Variants in BMERB1 observed in about 807,000 individuals in gnomAD.
BMERB1 encodes the protein bMERB domain-containing protein 1.
In BMERB1, 12 loss-of-function variants were observed where a neutral mutation model predicts 23.6. That is an observed-to-expected ratio of 0.51 (90% confidence interval 0.33 to 0.82). BMERB1 has a LOEUF of 0.82. BMERB1 is among the 40% of genes least tolerant of loss of function. The pLI, the probability that BMERB1 is intolerant of heterozygous loss-of-function variation, is 0.03. For missense variants in BMERB1, 247 were observed against 255.4 expected (o/e 0.97, Z 0.22); for synonymous variants, 122 against 96.6 (o/e 1.26, Z -1.54).
At chr16:15,555,327 G>A (rs2030223202) in intron 2 of BMERB1, among the ~76,000 whole-genome samples, 1 of 152,070 alleles carries the variant, frequency 6.6e-6, no homozygotes, top group Non-Finnish European at 1.5e-5. Flanking sequence ...TCCCATCTCA[G>A]CCTCAAAGTA....
At chr16:15,460,154 G>A (rs914128126) in intron 1 of BMERB1, among the ~76,000 whole-genome samples, 2 of 152,124 alleles carry the variant, frequency 1.3e-5, no homozygotes, top group African/African-American at 4.8e-5. Flanking sequence ...AACTTCTATG[G>A]AAGTTAACTC....
chr16:15,499,089 G>T (rs2051502059), intron 1 of BMERB1, among the ~76,000 whole-genome samples: 1 of 152,148 alleles, frequency 6.6e-6, no homozygotes, highest in Non-Finnish European at 1.5e-5. Flanking sequence ...TCAAGTGTTG[G>T]GTCCTCCCAG....
chr16:15,483,071 T>C (rs576521584), intron 1 of BMERB1, among the ~76,000 whole-genome samples: 4 of 152,348 alleles, frequency 2.6e-5, no homozygotes, highest in South Asian at 4.1e-4. Flanking sequence ...GTAGCTAATA[T>C]CCAACTATTT....
intron 2 of BMERB1, among the ~76,000 whole-genome samples, chr16:15,527,892 C>T (rs140559187): frequency 2.6e-5 from 4 of 152,174 alleles, no homozygotes; most frequent in African/African-American, 7.2e-5. Flanking sequence ...TTGACCCCTC[C>T]CAACCCTCCA....
intron 1 of BMERB1, among the ~76,000 whole-genome samples, chr16:15,439,515 T>C (rs1388733817): frequency 1.3e-5 from 2 of 152,190 alleles, no homozygotes; most frequent in Non-Finnish European, 2.9e-5. Flanking sequence ...ATTGCTTCCA[T>C]TTCTTAGTAA....
chr16:15,526,818 C>T (rs920534579), intron 2 of BMERB1, among the ~76,000 whole-genome samples: 8 of 150,272 alleles, frequency 5.3e-5, no homozygotes, highest in Admixed American at 4.0e-4. Context: ...CACACGGGGC[C>T]GTCTAAAAGT....
At chr16:15,578,601 G>A (rs2382884) in intron 3 of BMERB1, among the ~76,000 whole-genome samples, 5,486 of 152,182 alleles carry the variant, frequency 0.036, 323 homozygotes, top group African/African-American at 0.11. Flanking sequence ...CCGGGGGCTT[G>A]TAAACAACAT....
At chr16:15,464,679 T>C (rs1168888280) in intron 1 of BMERB1, among the ~76,000 whole-genome samples, 1 of 152,180 alleles carries the variant, frequency 6.6e-6, no homozygotes, top group Non-Finnish European at 1.5e-5. Flanking sequence ...GCCATGGCAC[T>C]TGTAAACTGT....
intron 1 of BMERB1, among the ~76,000 whole-genome samples, chr16:15,513,757 C>T (rs1355855221): frequency 2.6e-5 from 4 of 151,858 alleles, no homozygotes; most frequent in East Asian, 1.9e-4. Flanking sequence ...AGCCGGGTGT[C>T]GTGGCATAAA....
intron 2 of BMERB1, among the ~76,000 whole-genome samples, chr16:15,542,290 C>T (rs1270944528): frequency 2.0e-5 from 3 of 148,346 alleles, no homozygotes; most frequent in African/African-American, 7.9e-5. Context: ...GTCTCGAACT[C>T]CTGACCTCGT....
At chr16:15,435,315 A>AC (rs1644434603) in intron 1 of BMERB1, among the ~76,000 whole-genome samples, 1 of 151,950 alleles carries the variant, frequency 6.6e-6, no homozygotes, top group Admixed American at 6.6e-5. Context: ...AAAGGCACAC[A>AC]CCGTTCTCTT....
chr16:15,509,647 C>G (rs1194969493), intron 1 of BMERB1, among the ~76,000 whole-genome samples: 1 of 152,168 alleles, frequency 6.6e-6, no homozygotes, highest in Non-Finnish European at 1.5e-5. Flanking sequence ...CCCCCATGCA[C>G]TTCCCTCACC....
At chr16:15,564,411 G>A (rs764711455) in intron 2 of BMERB1, among the ~76,000 whole-genome samples, 3 of 151,958 alleles carry the variant, frequency 2.0e-5, no homozygotes, top group East Asian at 1.9e-4. Flanking sequence ...CCATTATTCC[G>A]AGCTAAATAA....
chr16:15,582,139 T>TGTAA, intron 4 of BMERB1, among the ~76,000 whole-genome samples: 1 of 152,340 alleles, frequency 6.6e-6, no homozygotes, highest in East Asian at 1.9e-4. Flanking sequence ...GGCTGACGCC[T>TGTAA]GTAATCCCAG....
chr16:15,494,604 G>A (rs1363004067), intron 1 of BMERB1, among the ~76,000 whole-genome samples: 2 of 152,140 alleles, frequency 1.3e-5, no homozygotes, highest in Non-Finnish European at 2.9e-5. Context: ...TATCCTTAAT[G>A]TGATAAAACT....
chr16:15,493,821 G>A lies in BMERB1; in HGVS notation c.107-21484G>A, dbSNP rs115739007. Among the ~76,000 whole-genome samples the A allele has an allele frequency of 8.3e-3, 1,264 of 152,228 alleles. 21 individuals carry two copies. The highest frequency in any genetic ancestry group is 0.029 in the African/African-American group (1,225 of 41,526). ...TCCTGTCAAATTTCCAGCCTGCAGGGAATTAAATGAGGCACATGATTTTCA... is the reference window on the plus strand; with the variant it reads ...TCCTGTCAAATTTCCAGCCTGCAGGAAATTAAATGAGGCACATGATTTTCA... On this transcript the variant is annotated intron_variant, in intron 1 of 5. Coordinates refer to ENST00000300006, the MANE Select transcript of BMERB1 (RefSeq NM_033201.3).
intron 2 of BMERB1, among the ~76,000 whole-genome samples, chr16:15,529,858 T>C (rs993258966): frequency 6.6e-6 from 1 of 152,234 alleles, no homozygotes; most frequent in African/African-American, 2.4e-5. Context: ...GTTATTTTCC[T>C]GTGGCTACTG....
intron 1 of BMERB1, among the ~76,000 whole-genome samples, chr16:15,486,201 C>CAAAAAA (rs35607256): frequency 9.6e-6 from 1 of 104,292 alleles, no homozygotes. Flanking sequence ...GACTCCATCT[C>CAAAAAA]AAAAAAAAAA....
chr16:15,435,545 C>G (rs992495018), intron 1 of BMERB1, among the ~76,000 whole-genome samples: 1 of 152,182 alleles, frequency 6.6e-6, no homozygotes, highest in African/African-American at 2.4e-5. Context: ...CACTGGAGGT[C>G]CCTGCAAACC....
Sources: gnomAD v4.1 joint callset for allele counts (sites outside exome capture counted in the v4.1 genomes callset) on GRCh38, gnomAD v4.1.1 for gene constraint, MANE v1.5 for transcripts, NCBI Gene and HGNC (gene_info 2026-07-23, HGNC 2026-07-21) for gene names.